The following USP25 variants were observed in gnomAD, a reference collection of about 807,000 sequenced individuals.
The protein encoded by USP25 is ubiquitin carboxyl-terminal hydrolase 25.
A neutral mutation model predicts 158.5 loss-of-function variants in USP25; 85 were observed. The ratio of observed to expected loss-of-function variants is 0.54; its 90% CI spans 0.45 to 0.64. USP25 has a LOEUF of 0.64. Ranked by LOEUF, USP25 falls within the 30% of genes least tolerant of loss-of-function variation. The pLI, the probability that USP25 is intolerant of heterozygous loss-of-function variation, is 0.00. For missense variants in USP25, 1,242 were observed against 1,327.3 expected (o/e 0.94, Z 1.00); for synonymous variants, 464 against 460.4 (o/e 1.01, Z -0.10).
At chr21:15,799,237 A>G (rs1034230038) in intron 5 of USP25, among the ~76,000 whole-genome samples, 2 of 151,240 alleles carry the variant, frequency 1.3e-5, no homozygotes, top group African/African-American at 4.8e-5. Flanking sequence ...TGTAATTATT[A>G]TCACTGCATC....
At position 15,766,466 on chromosome 21, in the gene USP25, G is replaced by A. The variant is rs953796753; in HGVS notation, c.268+325G>A. ...GTTATTTTGCAGATTTTAAGTGCTG[G>A]TAGAGGCTTTAGTATTTCTTTTGAG... On this transcript the variant is annotated intron_variant, in intron 3 of 25. Transcript: ENST00000400183. The surrounding 1 kb of genome is among the most constrained non-coding windows in gnomAD (Gnocchi z 4.0). 7.9e-5 allele frequency among the ~76,000 whole-genome samples: 12 copies of A among 152,002 alleles called. No individual in the cohort carries two copies. Among genetic ancestry groups the A allele is most frequent in the Admixed American group, 2.0e-4 (3 of 15,240 alleles).
intron 14 of USP25, among the ~76,000 whole-genome samples, chr21:15,828,706 C>G (rs1052145043): frequency 2.0e-5 from 3 of 152,148 alleles, no homozygotes; most frequent in Non-Finnish European, 4.4e-5. Context: ...GGCATGAACT[C>G]GGGCTCACTC....
intron 1 of USP25, among the ~76,000 whole-genome samples, chr21:15,732,082 T>C (rs1015798466): frequency 6.6e-6 from 1 of 152,256 alleles, no homozygotes; most frequent in African/African-American, 2.4e-5. Flanking sequence ...TCAGAGGTTA[T>C]GCATAAAATT....
At chr21:15,796,924 A>T (rs1185615478) in intron 5 of USP25, among the ~76,000 whole-genome samples, 1 of 151,528 alleles carries the variant, frequency 6.6e-6, no homozygotes, top group African/African-American at 2.4e-5. Context: ...AAGGAATTAA[A>T]AGCAAGATTG....
At chr21:15,781,827 A>G (rs1027244674) in intron 4 of USP25, among the ~76,000 whole-genome samples, 1 of 152,196 alleles carries the variant, frequency 6.6e-6, no homozygotes, top group African/African-American at 2.4e-5. Flanking sequence ...TCCCAAGTCC[A>G]GCATGAACAG....
chr21:15,788,241 G>C (rs1389267335), intron 4 of USP25, among the ~76,000 whole-genome samples: 2 of 151,626 alleles, frequency 1.3e-5, no homozygotes, highest in Non-Finnish European at 1.5e-5. Context: ...TAAGAGCTTG[G>C]GTAGTATCAT....
intron 4 of USP25, among the ~76,000 whole-genome samples, chr21:15,784,882 G>C (rs1355383070): frequency 6.6e-6 from 1 of 151,656 alleles, no homozygotes; most frequent in Non-Finnish European, 1.5e-5. Context: ...AAACAAACTA[G>C]CATGAGTAAA....
rs183102707 is a variant in USP25 at position 15,744,021 on chromosome 21, T to A, written c.45+13583T>A. 3.0e-3 allele frequency: 469 copies of A among 155,632 alleles called. 10 individuals are homozygous for A. The highest frequency in any genetic ancestry group is 0.026 in the Admixed American group (400 of 15,320). 9.6% of individuals were successfully genotyped at this position (155,632 alleles called of 1,614,324 possible). A position where few individuals can be genotyped will look rare whatever the true frequency, so the allele number is the denominator to read the frequency against. ...TGGAACTTACAGAACTGACAGTGTT[T>A]CCATTCTTGCTGGGTGGCGCCAGGA... On this transcript the variant is annotated intron_variant, in intron 1 of 25. Coordinates refer to ENST00000400183, the MANE Select transcript of USP25 (RefSeq NM_001283041.3).
intron 20 of USP25, 109 bp from the exon 21 acceptor site, chr21:15,864,157 CCA>C: frequency 9.3e-7 from 1 of 1,079,846 alleles, no homozygotes; most frequent in Non-Finnish European, 1.3e-6. Context: ...ACTTTAAAAG[CCA>C]AAAAAAAAAA....
intron 4 of USP25, among the ~76,000 whole-genome samples, chr21:15,788,324 T>G (rs531343528): frequency 2.6e-5 from 4 of 152,162 alleles, no homozygotes; most frequent in East Asian, 3.9e-4. Flanking sequence ...GTGCCAGTAC[T>G]AGATTATAGA....
chr21:15,857,870 G>A (rs959206834), intron 20 of USP25, among the ~76,000 whole-genome samples: 6 of 151,978 alleles, frequency 3.9e-5, no homozygotes, highest in Non-Finnish European at 8.8e-5. Context: ...TCTCTGAATA[G>A]TAAAATATCC....
intron 15 of USP25, among the ~76,000 whole-genome samples, 199 bp downstream of exon 15, chr21:15,830,800 A>G (rs1156667008): frequency 3.9e-5 from 6 of 152,178 alleles, no homozygotes; most frequent in Non-Finnish European, 7.4e-5. Context: ...TAACAAATTT[A>G]TAACAAAATT....
rs544886773 is a variant in USP25 at position 15,783,841 on chromosome 21, G to C, written c.392+5814G>C. 8.6e-4 allele frequency among the ~76,000 whole-genome samples: 130 copies of C among 151,944 alleles called. No individual in the cohort carries two copies. The Middle Eastern group carries it at 0.01, about 12-fold the overall frequency. On this transcript the variant is annotated intron_variant, in intron 4 of 25. Coordinates refer to ENST00000400183, the MANE Select transcript of USP25 (RefSeq NM_001283041.3). ...AAAAATTAGCCAGGCATGGTGGTGG[G>C]TGCCGGTAGTCTCAGCTACTTGGGA...
chr21:15,799,930 A>C, intron 6 of USP25, 87 bp downstream of exon 6: 1 of 750,296 alleles, frequency 1.3e-6, no homozygotes, highest in Non-Finnish European at 2.0e-6. Context: ...TACTTGGCTC[A>C]TCAAATCTGA....
chr21:15,771,215 A>G (rs576864793), intron 3 of USP25, among the ~76,000 whole-genome samples: 1 of 152,176 alleles, frequency 6.6e-6, no homozygotes, highest in Non-Finnish European at 1.5e-5. Flanking sequence ...TCGTTCATGA[A>G]GAACAGTAGA....
intron 7 of USP25, 147 bp from the exon 8 acceptor site, chr21:15,808,662 G>C (rs2036509797): frequency 1.9e-6 from 1 of 520,050 alleles, no homozygotes; most frequent in Non-Finnish European, 3.3e-6. Context: ...AAAGTTTCTT[G>C]CATTTCGTGT....
chr21:15,789,392 G>A (rs575391702), intron 4 of USP25, among the ~76,000 whole-genome samples: 9 of 152,182 alleles, frequency 5.9e-5, no homozygotes, highest in Non-Finnish European at 1.2e-4. Context: ...GCTGATGTAT[G>A]TATGAACCAT....
At position 15,827,170 on chromosome 21, in the gene USP25, C is replaced by A; in HGVS notation, c.1660C>A (p.Arg554Ser). The A allele has an allele frequency of 6.2e-7, 1 of 1,614,110 alleles. No individual in the cohort carries two copies. Among genetic ancestry groups the A allele is most frequent in the Non-Finnish European group, 8.5e-7 (1 of 1,179,994 alleles). Residue 554 changes from arginine (R) to serine (S), a missense_variant, in exon 14 of 26, where the codon CGC becomes AGC. Physicochemically the swap from Arg to Ser is moderately radical, Grantham distance 110. Coordinates refer to ENST00000400183, the MANE Select transcript of USP25 (RefSeq NM_001283041.3). ...ELSVLESCLH[R>S]WRTEIENDTR... ...TTCTGTGCTGGAAAGTTGTTTACATCGCTGGAGGACAGAAATAGAAAATGA... is the reference window on the plus strand; with the variant it reads ...TTCTGTGCTGGAAAGTTGTTTACATAGCTGGAGGACAGAAATAGAAAATGA...
At position 15,826,728 on chromosome 21, in the gene USP25, G is replaced by A. The variant is rs369879179; in HGVS notation, c.1467-249G>A. ...GCCAGGGAAAATAATATCACCATGC[G>A]TAAGATTTTCTTGTTTTTTAGAAAT... On this transcript the variant is annotated intron_variant, in intron 13 of 25. Transcript: ENST00000400183. This position sits in a 1 kb window ranked among gnomAD's most constrained non-coding sequence, Gnocchi z 4.8. Among the ~76,000 whole-genome samples the A allele has an allele frequency of 5.9e-5, 9 of 152,162 alleles. No homozygotes were observed. The highest frequency in any genetic ancestry group is 2.0e-4 in the Admixed American group (3 of 15,294).
Sources: allele counts gnomAD v4.1 joint callset (sites outside exome capture counted in the v4.1 genomes callset), GRCh38; gene constraint gnomAD v4.1.1; non-coding constraint Gnocchi (gnomAD v3.1); transcripts MANE v1.5; gene names NCBI Gene and HGNC (gene_info 2026-07-23, HGNC 2026-07-21).